The following NTRK3 variants were observed in gnomAD, a reference collection of about 807,000 sequenced individuals.
NTRK3 encodes the protein NT-3 growth factor receptor.
A neutral mutation model predicts 91.7 loss-of-function variants in NTRK3; 24 were observed. The observed-to-expected ratio is 0.26, with a 90% CI of 0.19 to 0.37. The LOEUF (loss-of-function observed/expected upper bound fraction) is 0.37, where lower values mean the gene tolerates loss of function less well. NTRK3 is among the 10% of genes least tolerant of loss of function. NTRK3 has a pLI of 1.00. For synonymous variants in NTRK3, 483 were observed against 404.0 expected (o/e 1.20, Z -2.34); for missense variants, 880 against 1,068.9 (o/e 0.82, Z 2.46).
At chr15:87,863,440 G>T (rs2141376912) in exon 19 of NTRK3, 1 of 221,848 alleles carries the variant, frequency 4.5e-6, no homozygotes, top group Non-Finnish European at 9.0e-6. Flanking sequence ...GATGCGAGAA[G>T]CAAGAAATCC....
intron 18 of NTRK3, among the ~76,000 whole-genome samples, chr15:87,878,937 G>C (rs2065090011): frequency 6.6e-6 from 1 of 150,758 alleles, no homozygotes; most frequent in African/African-American, 2.4e-5. Context: ...GTGTGTGTGT[G>C]TGTGTGTGTG....
intron 3 of NTRK3, among the ~76,000 whole-genome samples, chr15:88,215,390 G>C (rs1107292): frequency 0.11 from 16,304 of 152,264 alleles, 1,026 homozygotes; most frequent in Middle Eastern, 0.18. Context: ...CCCTCGTGCA[G>C]ATATTCACTC....
rs540425272 is a variant in NTRK3 at position 88,061,407 on chromosome 15, G to A, written c.1397-28362C>T. Among the ~76,000 whole-genome samples the A allele has an allele frequency of 2.0e-4, 31 of 152,348 alleles. No homozygotes were observed. The Middle Eastern group carries it at 0.01, about 50-fold the overall frequency. Reference sequence around the variant, plus strand: ...GACCCCCAGTGGTCAGAAGGGACACGGAATGCTTGTGCTGCCCTCCACAAG... The same window carrying A: ...GACCCCCAGTGGTCAGAAGGGACACAGAATGCTTGTGCTGCCCTCCACAAG... On this transcript the variant is annotated intron_variant, in intron 13 of 18. Coordinates refer to ENST00000394480, the Ensembl canonical transcript of NTRK3.
chr15:87,953,242 G>A (rs2071326253), intron 14 of NTRK3, among the ~76,000 whole-genome samples: 1 of 152,316 alleles, frequency 6.6e-6, no homozygotes, highest in African/African-American at 2.4e-5. Context: ...GCCCCTATCT[G>A]ACCCCTGGAA....
chr15:88,083,825 T>G (rs150506594), intron 13 of NTRK3, among the ~76,000 whole-genome samples: 23 of 152,234 alleles, frequency 1.5e-4, no homozygotes, highest in African/African-American at 3.9e-4. Flanking sequence ...CTAAGACTTG[T>G]AGTAACTTCC....
At chr15:88,046,588 C>T (rs925353403) in intron 13 of NTRK3, among the ~76,000 whole-genome samples, 13 of 152,170 alleles carry the variant, frequency 8.5e-5, no homozygotes, top group Non-Finnish European at 1.8e-4. Context: ...GCTCCATCTG[C>T]CCACATACTT....
chr15:88,038,670 T>C (rs1006709566), intron 13 of NTRK3, among the ~76,000 whole-genome samples: 3 of 152,190 alleles, frequency 2.0e-5, no homozygotes, highest in African/African-American at 7.2e-5. Context: ...TACCTTTTAC[T>C]TGATTTTGCT....
chr15:87,876,750 C>A, exon 19 of NTRK3: 1 of 494,456 alleles, frequency 2.0e-6, no homozygotes. Context: ...TGCCAAACTG[C>A]CTTACAGGGT....
chr15:87,966,111 A>AAAC (rs2072771951), intron 14 of NTRK3, among the ~76,000 whole-genome samples: 1 of 147,112 alleles, frequency 6.8e-6, no homozygotes, highest in African/African-American at 2.5e-5. Flanking sequence ...AACAAACAAA[A>AAAC]AACTCCACTT....
At chr15:88,195,248 A>G (rs1305884305) in intron 3 of NTRK3, among the ~76,000 whole-genome samples, 5 of 152,192 alleles carry the variant, frequency 3.3e-5, no homozygotes. Flanking sequence ...ATTTATTATC[A>G]CTTACCAAAA....
At chr15:88,127,175 T>C in exon 12 of NTRK3, 1 of 1,613,992 alleles carries the variant, frequency 6.2e-7, no homozygotes, top group Non-Finnish European at 8.5e-7. Context: ...AAAAGTGTCT[T>C]CTTCTGGTTT....
intron 13 of NTRK3, among the ~76,000 whole-genome samples, chr15:88,097,804 T>C (rs2049777386): frequency 6.6e-6 from 1 of 152,232 alleles, no homozygotes; most frequent in Non-Finnish European, 1.5e-5. Flanking sequence ...ATCTACAGCA[T>C]GATAAATATG....
In NTRK3 at chr15:88,237,673, C is replaced by G. The variant is rs1039565160; in HGVS notation, c.248+18233G>C. ...TTCCCTTTATCCACCTCTATTCCAC[C>G]TAAGACCGTGCAACTTCTTCCACAG... On this transcript the variant is annotated intron_variant, in intron 3 of 18. Transcript: ENST00000394480. This position sits in a 1 kb window ranked among gnomAD's most constrained non-coding sequence, Gnocchi z 4.0. 6.6e-6 allele frequency among the ~76,000 whole-genome samples: 1 copy of G among 152,082 alleles called. No homozygotes were observed.
chr15:88,192,197 GC>G (rs2047460899), intron 3 of NTRK3, among the ~76,000 whole-genome samples: 1 of 152,194 alleles, frequency 6.6e-6, no homozygotes, highest in Non-Finnish European at 1.5e-5. Flanking sequence ...GTGCAAAGAT[GC>G]TGTGTCTCCT....
intron 14 of NTRK3, among the ~76,000 whole-genome samples, chr15:88,027,983 C>T (rs189058640): frequency 4.0e-5 from 6 of 151,588 alleles, no homozygotes; most frequent in South Asian, 2.1e-4. Context: ...TCACAAGAAG[C>T]GAGAAATGAA....
intron 14 of NTRK3, among the ~76,000 whole-genome samples, chr15:87,975,890 T>C (rs2073675371): frequency 6.6e-6 from 1 of 152,190 alleles, no homozygotes; most frequent in Non-Finnish European, 1.5e-5. Flanking sequence ...CCTCACTTCC[T>C]TGCCCTATCA....
chr15:87,986,514 T>A (rs1343332298), intron 14 of NTRK3, among the ~76,000 whole-genome samples: 1 of 152,256 alleles, frequency 6.6e-6, no homozygotes, highest in Non-Finnish European at 1.5e-5. Flanking sequence ...TTGCTGCATA[T>A]GCATATATCC....
chr15:87,919,593 G>A (rs1200804088), intron 17 of NTRK3, among the ~76,000 whole-genome samples: 1 of 152,176 alleles, frequency 6.6e-6, no homozygotes, highest in Non-Finnish European at 1.5e-5. Flanking sequence ...AAGGGTGGAG[G>A]TATAGGAGTG....
intron 3 of NTRK3, among the ~76,000 whole-genome samples, chr15:88,195,623 T>C (rs2047749473): frequency 6.6e-6 from 1 of 152,220 alleles, no homozygotes; most frequent in African/African-American, 2.4e-5. Flanking sequence ...TGTCTACAAA[T>C]GAGAATCAAA....
Sources: allele counts gnomAD v4.1 joint callset (sites outside exome capture counted in the v4.1 genomes callset), GRCh38; gene constraint gnomAD v4.1.1; non-coding constraint Gnocchi (gnomAD v3.1); transcripts MANE v1.5; gene names NCBI Gene and HGNC (gene_info 2026-07-23, HGNC 2026-07-21).